THSD4: variants seen among roughly 807,000 people sequenced by gnomAD.
THSD4 encodes the protein thrombospondin type-1 domain-containing protein 4.
THSD4 carries 69 observed loss-of-function variants against 119.0 expected under a neutral mutation model. That is an observed-to-expected ratio of 0.58 (90% CI 0.48 to 0.71). The LOEUF is 0.71. THSD4 is among the 30% of genes least tolerant of loss of function. The pLI is 0.00. For synonymous variants in THSD4, 524 were observed against 540.4 expected (o/e 0.97, Z 0.42); for missense variants, 1,393 against 1,391.1 (o/e 1.00, Z -0.02).
intron 7 of THSD4, among the ~76,000 whole-genome samples, chr15:71,562,287 C>T (rs2049135967): frequency 6.6e-6 from 1 of 152,132 alleles, no homozygotes; most frequent in Non-Finnish European, 1.5e-5. Context: ...TTGTAAGATA[C>T]CTCAGCTGTA....
chr15:71,633,353 G>A (rs955211400), intron 7 of THSD4, among the ~76,000 whole-genome samples: 2 of 136,528 alleles, frequency 1.5e-5, no homozygotes, highest in Non-Finnish European at 3.0e-5. Flanking sequence ...ATAGCTCACT[G>A]CAGCCTCGAC....
chr15:71,487,122 C>T (rs573831509), intron 7 of THSD4, among the ~76,000 whole-genome samples: 4 of 152,348 alleles, frequency 2.6e-5, no homozygotes, highest in Admixed American at 2.6e-4. Flanking sequence ...AGACATTCAG[C>T]TGTATGCCAG....
At chr15:71,534,592 CAAAATT>C (rs1353422326) in intron 7 of THSD4, among the ~76,000 whole-genome samples, 3 of 152,016 alleles carry the variant, frequency 2.0e-5, no homozygotes, top group African/African-American at 7.3e-5. Flanking sequence ...TAGAAAATAA[CAAAATT>C]AAAAGAATGT....
At chr15:71,370,319 G>T (rs1271015653) in intron 6 of THSD4, among the ~76,000 whole-genome samples, 8 of 152,016 alleles carry the variant, frequency 5.3e-5, no homozygotes, top group Admixed American at 5.2e-4. Context: ...CTTGCCTTCT[G>T]CTAGCTTTTG....
chr15:71,098,208 TTTTTTG>T (rs2040239683), intron 1 of THSD4, among the ~76,000 whole-genome samples: 1 of 133,910 alleles, frequency 7.5e-6, no homozygotes, highest in Non-Finnish European at 1.6e-5. Flanking sequence ...TTTTTTTTTT[TTTTTTG>T]GGGGGAGAGA....
At chr15:71,415,826 T>C (rs2046752907) in intron 7 of THSD4, among the ~76,000 whole-genome samples, 1 of 152,206 alleles carries the variant, frequency 6.6e-6, no homozygotes, top group South Asian at 2.1e-4. Flanking sequence ...AGACGGAGTC[T>C]TACTCTGTTG....
At chr15:71,727,587 T>TATATATATACACAC (rs2052882975) in intron 8 of THSD4, among the ~76,000 whole-genome samples, 1 of 9,278 alleles carries the variant, frequency 1.1e-4, no homozygotes, top group Non-Finnish European at 2.8e-4. Flanking sequence ...TATATATATA[T>TATATATATACACAC]ACACACACAC....
chr15:71,593,914 C>CG (rs974043407), intron 7 of THSD4, among the ~76,000 whole-genome samples: 1 of 150,252 alleles, frequency 6.7e-6, no homozygotes, highest in Non-Finnish European at 1.5e-5. Context: ...CCCTTCCCAC[C>CG]CCCCCGGCAA....
chr15:71,587,809 A>G (rs1411236143), intron 7 of THSD4, among the ~76,000 whole-genome samples: 1 of 146,388 alleles, frequency 6.8e-6, no homozygotes, highest in Non-Finnish European at 1.5e-5. Flanking sequence ...AGAAAAAAAA[A>G]AAAGAAAAAC....
chr15:71,326,673 C>T (rs1596338697), intron 6 of THSD4, among the ~76,000 whole-genome samples: 1 of 12,934 alleles, frequency 7.7e-5, no homozygotes. Flanking sequence ...GATTCCATCT[C>T]AAAAAAAAAA....
At chr15:71,126,737 A>G (rs866668179) in intron 1 of THSD4, among the ~76,000 whole-genome samples, 16 of 152,384 alleles carry the variant, frequency 1.0e-4, no homozygotes, top group Middle Eastern at 3.4e-3. Flanking sequence ...AATATAAATG[A>G]GAAGTCTCAG....
Position 71,650,324 on chromosome 15 carries a change from C to G in THSD4, c.1153-10206C>G, listed in dbSNP as rs146323952. On this transcript the variant is annotated intron_variant, in intron 7 of 17. Transcript: ENST00000261862. ...TGCTGACCCACAATGTAGAGCAGCA[C>G]CTTTCAAACCTGAATGTGCATAGGA... Among the ~76,000 whole-genome samples the G allele has an allele frequency of 3.3e-5, 5 of 152,252 alleles. No homozygotes were observed. The East Asian group carries it at 9.7e-4, about 29-fold the overall frequency.
intron 8 of THSD4, among the ~76,000 whole-genome samples, chr15:71,683,303 A>G (rs917881804): frequency 5.3e-5 from 8 of 150,220 alleles, no homozygotes; most frequent in South Asian, 2.1e-4. Context: ...ATATGTAAGG[A>G]AAAAAAAAAT....
In THSD4 at chr15:71,245,683, G is replaced by A. The variant is rs142466792; in HGVS notation, c.912+2587G>A. 2.0e-4 allele frequency among the ~76,000 whole-genome samples: 31 copies of A among 152,250 alleles called. No individual in the cohort carries two copies. In the South Asian group the frequency reaches 2.1e-3, roughly 10 times the overall value. On this transcript the variant is annotated intron_variant, in intron 5 of 17. Transcript: ENST00000261862. ...TACCAGAGAAGTCTCCCCTGTGCCC[G>A]GGGTTTTTACTGAGGGCTGGTCACA...
chr15:71,107,084 C>G (rs567586127), intron 1 of THSD4, among the ~76,000 whole-genome samples: 1 of 152,320 alleles, frequency 6.6e-6, no homozygotes, highest in South Asian at 2.1e-4. Context: ...CCAAGTCACA[C>G]AGTCAGGAAG....
At chr15:71,260,495 G>T (rs540629606) in intron 6 of THSD4, among the ~76,000 whole-genome samples, 1 of 152,220 alleles carries the variant, frequency 6.6e-6, no homozygotes, top group Admixed American at 6.5e-5. Context: ...TTCATTGGTG[G>T]ATATATTAAT....
At chr15:71,457,161 G>T (rs116128904) in intron 7 of THSD4, among the ~76,000 whole-genome samples, 226 of 152,138 alleles carry the variant, frequency 1.5e-3, no homozygotes, top group African/African-American at 5.2e-3. Flanking sequence ...CAGGCAGATC[G>T]CTCTGAGCTC....
chr15:71,768,559 G>GGTT (rs1305642240), intron 16 of THSD4, among the ~76,000 whole-genome samples: 1 of 96,568 alleles, frequency 1.0e-5, no homozygotes. Context: ...CGCAGATCCT[G>GGTT]ATTTTTTTTT....
intron 7 of THSD4, among the ~76,000 whole-genome samples, chr15:71,566,400 AG>A (rs2140890638): frequency 6.6e-6 from 1 of 152,310 alleles, no homozygotes; most frequent in South Asian, 2.1e-4. Context: ...GTACTTACTG[AG>A]CATCTACTTT....
Sources: gnomAD v4.1 joint callset for allele counts (sites outside exome capture counted in the v4.1 genomes callset) on GRCh38, gnomAD v4.1.1 for gene constraint, MANE v1.5 for transcripts, NCBI Gene and HGNC (gene_info 2026-07-23, HGNC 2026-07-21) for gene names.